The following GARIN1A variants were observed in gnomAD, a reference collection of about 807,000 sequenced individuals.
GARIN1A encodes Golgi-associated RAB2 interactor protein 1A.
chr7:128,675,947 GAT>G, the GARIN1A span: 1 of 958,154 alleles, frequency 1.0e-6, no homozygotes, highest in South Asian at 1.5e-5. Flanking sequence ...CAAAAGAAAA[GAT>G]AGCGTTCTTT....
chr7:128,707,216 A>G, the GARIN1A span, among the ~76,000 whole-genome samples: 41 of 47,424 alleles, frequency 8.6e-4, no homozygotes, highest in Non-Finnish European at 1.1e-3. Flanking sequence ...TATTGTGTGT[A>G]TGTATGTGTG....
chr7:128,677,298 G>A, the GARIN1A span, among the ~76,000 whole-genome samples: 1 of 151,302 alleles, frequency 6.6e-6, no homozygotes, highest in Non-Finnish European at 1.5e-5. Context: ...ACGAGGTCAG[G>A]AGATCGAGAC....
chr7:128,671,957 AG>A, the GARIN1A span, among the ~76,000 whole-genome samples: 1 of 152,050 alleles, frequency 6.6e-6, no homozygotes. Context: ...AAGTTTGGTG[AG>A]GGGCTTCAAG....
At chr7:128,674,445 G>A in the GARIN1A span, among the ~76,000 whole-genome samples, 1 of 152,220 alleles carries the variant, frequency 6.6e-6, no homozygotes, top group East Asian at 1.9e-4. Context: ...TTGAAGTGAT[G>A]CAACCCACAT....
the GARIN1A span, chr7:128,675,850 A>G: frequency 3.1e-5 from 50 of 1,609,746 alleles, no homozygotes; most frequent in African/African-American, 4.0e-5. Flanking sequence ...CCAGTCATCA[A>G]CCTCAGCAGG....
the GARIN1A span, among the ~76,000 whole-genome samples, chr7:128,673,308 G>A: frequency 6.6e-6 from 1 of 152,224 alleles, no homozygotes; most frequent in Admixed American, 6.5e-5. Flanking sequence ...CTCTATGTCA[G>A]AGAGCTTGGG....
the GARIN1A span, among the ~76,000 whole-genome samples, chr7:128,673,271 C>T: frequency 6.6e-6 from 1 of 152,130 alleles, no homozygotes; most frequent in Admixed American, 6.5e-5. Context: ...TTTGGTTTAC[C>T]TGTTATTTGG....
At chr7:128,692,013 C>T in the GARIN1A span, among the ~76,000 whole-genome samples, 3 of 152,190 alleles carry the variant, frequency 2.0e-5, no homozygotes, top group Non-Finnish European at 2.9e-5. Flanking sequence ...ATGAGACAGT[C>T]GCTGGGCTTC....
chr7:128,674,871 G>C, the GARIN1A span, among the ~76,000 whole-genome samples: 3 of 152,186 alleles, frequency 2.0e-5, no homozygotes, highest in Admixed American at 6.5e-5. Context: ...GAGAAGGGAA[G>C]ATCACTTGAG....
the GARIN1A span, among the ~76,000 whole-genome samples, chr7:128,678,971 T>C: frequency 2.0e-5 from 3 of 151,608 alleles, no homozygotes; most frequent in East Asian, 3.9e-4. Context: ...TACATACATA[T>C]ATACATATGT....
chr7:128,685,160 C>G, the GARIN1A span: 1 of 152,362 alleles, frequency 6.6e-6, no homozygotes, highest in East Asian at 1.9e-4. Flanking sequence ...CTCGGCCTCC[C>G]AAAGTGCTGG....
the GARIN1A span, chr7:128,685,314 T>G: frequency 6.6e-6 from 1 of 152,318 alleles, no homozygotes; most frequent in Non-Finnish European, 1.5e-5. Flanking sequence ...ACAAGTTACC[T>G]GCCTTGAGGG....
At chr7:128,675,481 A>G in the GARIN1A span, among the ~76,000 whole-genome samples, 1 of 152,188 alleles carries the variant, frequency 6.6e-6, no homozygotes, top group South Asian at 2.1e-4. Flanking sequence ...CCAGAGAAGA[A>G]TGACACAGGG....
the GARIN1A span, among the ~76,000 whole-genome samples, chr7:128,690,142 C>A: frequency 6.6e-6 from 1 of 152,176 alleles, no homozygotes; most frequent in Non-Finnish European, 1.5e-5. Context: ...TGTGCTGTGT[C>A]CACTCAGGGT....
chr7:128,701,383 AGAGGG>A, the GARIN1A span, among the ~76,000 whole-genome samples: 1 of 4,276 alleles, frequency 2.3e-4, no homozygotes, highest in Non-Finnish European at 4.2e-4. Context: ...AAGGGGAGGG[AGAGGG>A]GAGGGGAGGG....
the GARIN1A span, among the ~76,000 whole-genome samples, chr7:128,689,865 GT>G: frequency 2.6e-5 from 4 of 152,084 alleles, no homozygotes; most frequent in Non-Finnish European, 4.4e-5. Flanking sequence ...CTACTAGGAA[GT>G]GAGGAGCCCC....
At chr7:128,678,319 C>A in the GARIN1A span, among the ~76,000 whole-genome samples, 3 of 151,936 alleles carry the variant, frequency 2.0e-5, no homozygotes, top group Non-Finnish European at 4.4e-5. Flanking sequence ...CTGTGCCTGG[C>A]CTGTATTTGT....
the GARIN1A span, among the ~76,000 whole-genome samples, chr7:128,702,518 T>G: frequency 0.99 from 150,123 of 152,248 alleles, 74,034 homozygotes; most frequent in Middle Eastern, 1. Flanking sequence ...TTCTTGAAAA[T>G]ATGTTTTTAT....
At chr7:128,672,229 T>C in the GARIN1A span, 5 of 554,072 alleles carry the variant, frequency 9.0e-6, no homozygotes, top group Non-Finnish European at 1.6e-5. Context: ...CTTGATGTCA[T>C]TCCTGCCATT....
Sources: gnomAD v4.1 joint callset for allele counts (sites outside exome capture counted in the v4.1 genomes callset) on GRCh38, gnomAD v4.1.1 for gene constraint, MANE v1.5 for transcripts, NCBI Gene and HGNC (gene_info 2026-07-23, HGNC 2026-07-21) for gene names.